The following TOGARAM2 variants were observed in gnomAD, a reference collection of about 807,000 sequenced individuals.
The protein encoded by TOGARAM2 is TOG array regulator of axonemal microtubules protein 2.
In TOGARAM2, 85 loss-of-function variants were observed where a neutral mutation model predicts 93.3. The observed-to-expected ratio is 0.91, with a 90% CI of 0.76 to 1.09. The LOEUF (loss-of-function observed/expected upper bound fraction) is 1.09, where lower values mean the gene tolerates loss of function less well. Among genes scored for constraint, TOGARAM2 ranks in the 50% least tolerant of loss-of-function variants. The probability of loss-of-function intolerance (pLI) is 0.00; values close to 1 mark genes in which losing one functional copy is unlikely to be tolerated. For missense variants in TOGARAM2, 1,277 were observed against 1,334.5 expected (o/e 0.96, Z 0.67); for synonymous variants, 593 against 552.8 (o/e 1.07, Z -1.02).
intron 1 of TOGARAM2, among the ~76,000 whole-genome samples, chr2:28,974,976 G>A (rs569725040): frequency 7.9e-5 from 12 of 151,666 alleles, no homozygotes; most frequent in African/African-American, 2.2e-4. Context: ...GGTTGCTATC[G>A]AGTAATTTCT....
At chr2:28,969,054 C>A (rs1671909423) in intron 1 of TOGARAM2, among the ~76,000 whole-genome samples, 1 of 152,078 alleles carries the variant, frequency 6.6e-6, no homozygotes, top group African/African-American at 2.4e-5. Flanking sequence ...CAGGATATTT[C>A]TCTTTGGTCT....
intron 1 of TOGARAM2, among the ~76,000 whole-genome samples, chr2:28,969,724 A>G (rs1207086492): frequency 6.6e-6 from 1 of 152,060 alleles, no homozygotes; most frequent in Non-Finnish European, 1.5e-5. Context: ...ATAAGTAACA[A>G]TGTAACTGCT....
intron 14 of TOGARAM2, among the ~76,000 whole-genome samples, chr2:29,028,264 A>G (rs907638308): frequency 6.6e-6 from 1 of 152,154 alleles, no homozygotes; most frequent in African/African-American, 2.4e-5. Context: ...GGTGAGCTCC[A>G]GGCCAGACAT....
At position 28,956,907 on chromosome 2, in the gene TOGARAM2, C is replaced by T. The variant is rs1244983397; in HGVS notation, c.-147+210C>T. Among the ~76,000 whole-genome samples the T allele has an allele frequency of 2.0e-5, 3 of 152,082 alleles. No homozygotes were observed. The highest frequency in any genetic ancestry group is 7.2e-5 in the African/African-American group (3 of 41,428). Reference sequence around the variant, plus strand: ...TGGGAGGCCGAGGCGGGCGGATCACCTGAGGTCAGGAGTTCGAGACTAGCC... The same window carrying T: ...TGGGAGGCCGAGGCGGGCGGATCACTTGAGGTCAGGAGTTCGAGACTAGCC... On this transcript the variant is annotated intron_variant, in intron 1 of 6. Transcript: ENST00000401723. This position sits in a 1 kb window ranked among gnomAD's most constrained non-coding sequence, Gnocchi z 4.5.
In TOGARAM2 at chr2:29,002,502, G is replaced by A. The variant is rs548177515; in HGVS notation, c.428-34G>A. 11 of 1,589,756 alleles carry A rather than the reference G, an allele frequency of 6.9e-6. No homozygotes were observed. In the South Asian group the frequency reaches 1.0e-4, roughly 15 times the overall value. Reference sequence around the variant, plus strand: ...CACCTTCCACTCCCTGTTCTTCTGGGACTAACTGATTTCCCATCCCCATCC... The same window carrying A: ...CACCTTCCACTCCCTGTTCTTCTGGAACTAACTGATTTCCCATCCCCATCC... On this transcript the variant is annotated intron_variant, in intron 4 of 19. Transcript: ENST00000379558.
intron 1 of TOGARAM2, among the ~76,000 whole-genome samples, chr2:28,971,446 A>G (rs1671945751): frequency 6.6e-6 from 1 of 152,138 alleles, no homozygotes; most frequent in South Asian, 2.1e-4. Context: ...TCCCCAGCTC[A>G]AGCAATCCTC....
chr2:28,978,196 C>T (rs565799881), upstream of TOGARAM2, among the ~76,000 whole-genome samples: 1 of 152,230 alleles, frequency 6.6e-6, no homozygotes, highest in South Asian at 2.1e-4. Context: ...CGTGAGCCAC[C>T]GTGCCCGGCC....
chr2:28,966,324 A>G (rs566168038), intron 1 of TOGARAM2, among the ~76,000 whole-genome samples: 6 of 151,616 alleles, frequency 4.0e-5, no homozygotes, highest in Non-Finnish European at 8.8e-5. Context: ...TTTGAGATGG[A>G]GTCTCGCTCT....
intron 6 of TOGARAM2, among the ~76,000 whole-genome samples, chr2:29,010,080 G>A (rs1197469166): frequency 1.3e-5 from 2 of 151,962 alleles, no homozygotes; most frequent in South Asian, 2.1e-4. Context: ...AGCGGGGGAG[G>A]CTGCAGCTCA....
intron 4 of TOGARAM2, among the ~76,000 whole-genome samples, chr2:29,001,837 T>G (rs1673317535): frequency 6.7e-6 from 1 of 149,212 alleles, no homozygotes; most frequent in Admixed American, 6.7e-5. Context: ...GAGGCCAGAA[T>G]GAAAGTTAAA....
At chr2:29,020,021 A>G (rs1664836671) in intron 10 of TOGARAM2, among the ~76,000 whole-genome samples, 2 of 152,212 alleles carry the variant, frequency 1.3e-5, no homozygotes, top group African/African-American at 2.4e-5. Context: ...TCACTGCGAG[A>G]GCACACCCAA....
chr2:29,044,665 T>G (rs1666632995), intron 18 of TOGARAM2, among the ~76,000 whole-genome samples: 1 of 151,966 alleles, frequency 6.6e-6, no homozygotes, highest in Admixed American at 6.6e-5. Context: ...AGGAGCCTCT[T>G]GAGGGGGATG....
Position 28,998,248 on chromosome 2 carries a change from GAGA to G in TOGARAM2, c.137_139del (p.Glu46del), listed in dbSNP as rs1432593542. On this transcript the variant is annotated inframe_deletion and splice_region_variant, in exon 3 of 20. Coordinates refer to ENST00000379558, the MANE Select transcript of TOGARAM2 (RefSeq NM_199280.4). ...AGCATCAACTCCAGTCTGCCTCATG[GAGA>G]AGGTGAGATGGGAAGACCTCACCTG... is the stretch of plus-strand genomic sequence containing the variant. 11 of 1,609,612 alleles carry G rather than the reference GAGA, an allele frequency of 6.8e-6. No individual in the cohort carries two copies. In the East Asian group the frequency reaches 2.5e-4, roughly 36 times the overall value.
At chr2:29,018,039 C>T (rs1041311353) in intron 10 of TOGARAM2, 83 bp downstream of exon 10, 6 of 1,439,462 alleles carry the variant, frequency 4.2e-6, no homozygotes, top group Non-Finnish European at 5.5e-6. Flanking sequence ...GAGGTGACCT[C>T]GGTGGCTTTG....
At chr2:28,962,913 C>G (rs796135652) in intron 1 of TOGARAM2, among the ~76,000 whole-genome samples, 12 of 151,856 alleles carry the variant, frequency 7.9e-5, no homozygotes, top group African/African-American at 2.9e-4. Context: ...GCCCGGATCT[C>G]CTGGGCTCAA....
In TOGARAM2 at chr2:29,035,571, A is replaced by G; in HGVS notation, c.2333A>G (p.Asp778Gly). 6.3e-7 allele frequency: 1 copy of G among 1,590,716 alleles called. No homozygotes were observed. The highest frequency in any genetic ancestry group is 8.6e-7 in the Non-Finnish European group (1 of 1,167,724). ...RELTRLLEAKDFRSRMEGVGQ... is the reference protein window; with the variant it reads ...RELTRLLEAKGFRSRMEGVGQ... ...CTGACACGGCTGCTGGAGGCCAAGG[A>G]CTTCCGGTCCCGGATGGAAGGCGTG... Residue 778 changes from aspartate to glycine, a missense_variant, in exon 17 of 20, where the codon GAC becomes GGC. Physicochemically the swap from Asp to Gly is moderately conservative, Grantham distance 94. Coordinates refer to ENST00000379558, the MANE Select transcript of TOGARAM2 (RefSeq NM_199280.4).
chr2:28,993,161 T>C (rs965876763), intron 1 of TOGARAM2, among the ~76,000 whole-genome samples: 1 of 152,158 alleles, frequency 6.6e-6, no homozygotes, highest in Non-Finnish European at 1.5e-5. Flanking sequence ...CGTGGAAATC[T>C]GTAATTTTAA....
chr2:28,985,837 C>G (rs1053930708), intron 1 of TOGARAM2, among the ~76,000 whole-genome samples: 2 of 152,076 alleles, frequency 1.3e-5, no homozygotes, highest in African/African-American at 4.8e-5. Context: ...TAGTGTGAGG[C>G]TTATGCCTGT....
chr2:29,051,932 C>T lies in TOGARAM2; in HGVS notation c.2899C>T (p.Arg967Cys). The part of the protein sequence containing the change: ...SRSLQEHMGS[R>C]LLDFAASQPK... ...GAGCCTCCAGGAGCACATGGGCTCCCGCCTGCTGGACTTTGCCGCCAGCCA... is the reference window on the plus strand; with the variant it reads ...GAGCCTCCAGGAGCACATGGGCTCCTGCCTGCTGGACTTTGCCGCCAGCCA... Residue 967 changes from arginine (R) to cysteine (C), a missense_variant, in exon 20 of 20, where the codon CGC becomes TGC. Transcript: ENST00000379558. 6.2e-7 allele frequency: 1 copy of T among 1,601,670 alleles called. No homozygotes were observed. The highest frequency in any genetic ancestry group is 8.5e-7 in the Non-Finnish European group (1 of 1,174,680).
Sources: allele counts gnomAD v4.1 joint callset (sites outside exome capture counted in the v4.1 genomes callset), GRCh38; gene constraint gnomAD v4.1.1; non-coding constraint Gnocchi (gnomAD v3.1); transcripts MANE v1.5; gene names NCBI Gene and HGNC (gene_info 2026-07-23, HGNC 2026-07-21).